GLIS3: variants seen among roughly 807,000 people sequenced by gnomAD.
GLIS3 encodes the protein zinc finger protein GLIS3.
A neutral mutation model predicts 78.6 loss-of-function variants in GLIS3; 53 were observed. That is an observed-to-expected ratio of 0.67 (90% CI 0.54 to 0.85). The LOEUF is 0.85. GLIS3 is among the 40% of genes least tolerant of loss of function. GLIS3 has a pLI of 0.00. For missense variants in GLIS3, 1,703 were observed against 1,231.1 expected, an observed-to-expected ratio of 1.38 and a Z score of -5.74; for synonymous variants, 684 against 509.9, an observed-to-expected ratio of 1.34 and a Z score of -4.60.
intron 7 of GLIS3, among the ~76,000 whole-genome samples, chr9:3,880,617 G>T (rs1399860672): frequency 6.6e-6 from 1 of 152,100 alleles, no homozygotes; most frequent in Non-Finnish European, 1.5e-5. Flanking sequence ...TCAGGTTCAG[G>T]ATTAAGAAAG....
At chr9:4,100,154 A>C (rs971271369) in intron 4 of GLIS3, among the ~76,000 whole-genome samples, 1 of 152,220 alleles carries the variant, frequency 6.6e-6, no homozygotes, top group African/African-American at 2.4e-5. Flanking sequence ...TATATCGGTA[A>C]AAGAGTTCCT....
chr9:3,907,040 C>G (rs949159097), intron 6 of GLIS3, among the ~76,000 whole-genome samples: 2 of 152,124 alleles, frequency 1.3e-5, no homozygotes, highest in African/African-American at 4.8e-5. Flanking sequence ...TCTCAGGGTA[C>G]AAGAAGAACT....
At chr9:4,406,519 A>G in the GLIS3 span, among the ~76,000 whole-genome samples, 1 of 152,278 alleles carries the variant, frequency 6.6e-6, no homozygotes, top group Admixed American at 6.5e-5. Flanking sequence ...GGGGTTTCTC[A>G]ATGTTGGTCA....
chr9:4,467,162 G>C, the GLIS3 span, among the ~76,000 whole-genome samples: 6 of 152,222 alleles, frequency 3.9e-5, no homozygotes, highest in Non-Finnish European at 8.8e-5. Context: ...GCCCACCACA[G>C]CTCAAGGAGG....
rs573729153 is a variant in GLIS3, at chr9:3,847,119, G to T, written c.2473+8890C>A. 1.3e-4 allele frequency among the ~76,000 whole-genome samples: 20 copies of T among 152,300 alleles called. No individual in the cohort carries two copies. In the South Asian group the frequency reaches 2.7e-3, roughly 21 times the overall value. ...GAATCACTTGAGCCCGGGAGGCAGA[G>T]GTTGCAGTGAGCCGAGATCGCGCCT... On this transcript the variant is annotated intron_variant, in intron 9 of 10. Coordinates refer to ENST00000381971, the MANE Select transcript of GLIS3 (RefSeq NM_001042413.2).
At chr9:4,263,717 A>G (rs1825735638) in intron 2 of GLIS3, among the ~76,000 whole-genome samples, 2 of 152,178 alleles carry the variant, frequency 1.3e-5, no homozygotes, top group African/African-American at 4.8e-5. Context: ...GCAATAGAGT[A>G]TTTTGTGGCT....
the GLIS3 span, among the ~76,000 whole-genome samples, chr9:4,437,553 C>T: frequency 1.3e-5 from 2 of 152,104 alleles, no homozygotes; most frequent in Non-Finnish European, 2.9e-5. Flanking sequence ...TGTGGCATAG[C>T]GAGAGATTTG....
the GLIS3 span, among the ~76,000 whole-genome samples, chr9:4,409,193 C>G: frequency 1.3e-5 from 2 of 152,098 alleles, no homozygotes; most frequent in African/African-American, 4.8e-5. Context: ...AGCACTGAGA[C>G]CATTCTTTTG....
At chr9:4,033,864 TAAAA>T (rs34745570) in intron 4 of GLIS3, among the ~76,000 whole-genome samples, 7 of 67,994 alleles carry the variant, frequency 1.0e-4, no homozygotes, top group African/African-American at 3.1e-4. Context: ...AGGCGAAGGA[TAAAA>T]AAAAAAAAAA....
intron 4 of GLIS3, among the ~76,000 whole-genome samples, chr9:4,033,122 G>A (rs964150713): frequency 6.6e-6 from 1 of 152,028 alleles, no homozygotes; most frequent in Non-Finnish European, 1.5e-5. Flanking sequence ...CAAAGTGCTG[G>A]GATTACAGGT....
chr9:4,110,249 A>T (rs1040679776), intron 4 of GLIS3, among the ~76,000 whole-genome samples: 3 of 152,194 alleles, frequency 2.0e-5, no homozygotes, highest in African/African-American at 7.2e-5. Context: ...CCAGTGAGAC[A>T]AACTCACTTT....
At chr9:3,932,886 C>A in intron 5 of GLIS3, 2 of 327,598 alleles carry the variant, frequency 6.1e-6, no homozygotes, top group Non-Finnish European at 6.2e-6. Context: ...TGTAGAAAGT[C>A]CAGAAAAAAA....
Position 4,118,905 on chromosome 9 carries a change from G to GA in GLIS3, c.597-25dup, listed in dbSNP as rs759214367. 3.5e-3 allele frequency: 4,972 copies of GA among 1,425,410 alleles called. No individual in the cohort carries two copies. The highest frequency in any genetic ancestry group is 4.1e-3 in the Non-Finnish European group (4,325 of 1,049,822). 88.3% of individuals were successfully genotyped at this position (1,425,410 alleles called of 1,614,324 possible). On this transcript the variant is annotated intron_variant, in intron 3 of 10. Coordinates refer to ENST00000381971, the MANE Select transcript of GLIS3 (RefSeq NM_001042413.2). The surrounding 1 kb of genome is among the most constrained non-coding windows in gnomAD (Gnocchi z 4.7). ...ACCTGGAACAGCAGCCAGAAAGGAA[G>GA]AAAAAAAAAAGATAAACATTTTAGC...
At chr9:4,077,971 T>C (rs1037976781) in intron 4 of GLIS3, among the ~76,000 whole-genome samples, 1 of 152,208 alleles carries the variant, frequency 6.6e-6, no homozygotes, top group Non-Finnish European at 1.5e-5. Context: ...CTTTCTTCCC[T>C]TTTTTACTTT....
At chr9:3,959,624 C>T (rs1460784510) in intron 4 of GLIS3, among the ~76,000 whole-genome samples, 3 of 152,296 alleles carry the variant, frequency 2.0e-5, no homozygotes, top group South Asian at 2.1e-4. Context: ...CTTCCTAAAA[C>T]GCATAAAGCC....
At chr9:4,344,561 G>C (rs766870581) in intron 2 of GLIS3, among the ~76,000 whole-genome samples, 9 of 152,138 alleles carry the variant, frequency 5.9e-5, no homozygotes, top group Non-Finnish European at 1.0e-4. Context: ...CTCACTCCCT[G>C]GGTGTTCTCA....
chr9:4,462,910 C>T, the GLIS3 span, among the ~76,000 whole-genome samples: 1 of 152,148 alleles, frequency 6.6e-6, no homozygotes, highest in African/African-American at 2.4e-5. Flanking sequence ...AAATATTGCA[C>T]TTAAAGTGAT....
chr9:4,285,024 A>T (rs1017911458), intron 2 of GLIS3, among the ~76,000 whole-genome samples: 2 of 152,172 alleles, frequency 1.3e-5, no homozygotes, highest in Non-Finnish European at 2.9e-5. Context: ...ACAGACTCTA[A>T]AACAACTTTT....
chr9:4,157,920 AAACCT>A (rs1261107687), intron 2 of GLIS3, among the ~76,000 whole-genome samples: 1 of 152,206 alleles, frequency 6.6e-6, no homozygotes, highest in Admixed American at 6.5e-5. Flanking sequence ...TATCCTCAAA[AAACCT>A]TTTCAGTAAA....
Sources: gnomAD v4.1 joint callset for allele counts (sites outside exome capture counted in the v4.1 genomes callset) on GRCh38, gnomAD v4.1.1 for gene constraint, Gnocchi (gnomAD v3.1) non-coding constraint, MANE v1.5 for transcripts, NCBI Gene and HGNC (gene_info 2026-07-23, HGNC 2026-07-21) for gene names.